CHODL: variants seen among roughly 807,000 people sequenced by gnomAD.
CHODL encodes the protein chondrolectin, also known as transmembrane protein MT75.
CHODL carries 29 observed loss-of-function variants against 34.5 expected under a neutral mutation model. The ratio of observed to expected loss-of-function variants is 0.84; its 90% CI spans 0.63 to 1.15. The LOEUF is 1.15. CHODL is among the 50% of genes most tolerant of loss of function. The pLI is 0.00. For missense variants in CHODL, 332 were observed against 332.5 expected, an observed-to-expected ratio of 1.00 and a Z score of 0.01; for synonymous variants, 125 against 116.1, an observed-to-expected ratio of 1.08 and a Z score of -0.49.
chr21:18,001,632 C>T (rs932980035), intron 1 of CHODL, among the ~76,000 whole-genome samples: 3 of 152,046 alleles, frequency 2.0e-5, no homozygotes, highest in African/African-American at 4.8e-5. Flanking sequence ...GTTGCTTCTT[C>T]GTGAGTTTTT....
intron 2 of CHODL, among the ~76,000 whole-genome samples, chr21:18,239,694 T>C (rs2074063266): frequency 6.6e-6 from 1 of 152,094 alleles, no homozygotes; most frequent in Non-Finnish European, 1.5e-5. Flanking sequence ...CAAAAATTCA[T>C]TTACAGTTTT....
intron 1 of CHODL, among the ~76,000 whole-genome samples, chr21:17,935,392 C>T (rs1427902675): frequency 6.6e-6 from 1 of 152,178 alleles, no homozygotes; most frequent in Non-Finnish European, 1.5e-5. Context: ...GGTATTCTAG[C>T]TTGAGAACCC....
chr21:17,939,133 A>C (rs1489507122), intron 1 of CHODL, among the ~76,000 whole-genome samples: 1 of 152,216 alleles, frequency 6.6e-6, no homozygotes, highest in Non-Finnish European at 1.5e-5. Flanking sequence ...CTAAGTGTAT[A>C]ATACATTATT....
chr21:18,109,194 T>G (rs937478031), intron 2 of CHODL, among the ~76,000 whole-genome samples: 1 of 152,192 alleles, frequency 6.6e-6, no homozygotes, highest in African/African-American at 2.4e-5. Context: ...TTCTTTTTCA[T>G]GAAAATCATC....
chr21:18,061,631 C>G (rs1420635888), intron 2 of CHODL, among the ~76,000 whole-genome samples: 1 of 152,118 alleles, frequency 6.6e-6, no homozygotes, highest in African/African-American at 2.4e-5. Flanking sequence ...ATCTTTAGCC[C>G]AAACAATTGC....
intron 1 of CHODL, among the ~76,000 whole-genome samples, chr21:17,963,177 A>G (rs2063546231): frequency 6.6e-6 from 1 of 152,146 alleles, no homozygotes; most frequent in South Asian, 2.1e-4. Flanking sequence ...CTCTTATTCC[A>G]TTTGGATACA....
intron 1 of CHODL, among the ~76,000 whole-genome samples, chr21:17,962,833 G>A (rs1445746966): frequency 6.6e-6 from 1 of 152,088 alleles, no homozygotes; most frequent in African/African-American, 2.4e-5. Context: ...GGAGGCTGAG[G>A]CGGGTGGATC....
intron 2 of CHODL, among the ~76,000 whole-genome samples, chr21:18,073,822 T>G (rs2146503347): frequency 6.6e-6 from 1 of 152,222 alleles, no homozygotes; most frequent in African/African-American, 2.4e-5. Flanking sequence ...TTCACAATCA[T>G]TTATGTAACT....
chr21:18,253,610 C>G (rs558171241), intron 1 of CHODL, among the ~76,000 whole-genome samples: 1 of 152,070 alleles, frequency 6.6e-6, no homozygotes, highest in Non-Finnish European at 1.5e-5. Flanking sequence ...ATGAAATCAT[C>G]ACAAAACTTA....
chr21:17,973,663 G>A (rs1031443734), intron 1 of CHODL, among the ~76,000 whole-genome samples: 22 of 150,738 alleles, frequency 1.5e-4, no homozygotes, highest in Admixed American at 1.4e-3. Flanking sequence ...CTCGTGATCC[G>A]CCCACCTCAG....
At chr21:18,177,097 A>G (rs374294267) in intron 2 of CHODL, among the ~76,000 whole-genome samples, 6 of 152,088 alleles carry the variant, frequency 3.9e-5, no homozygotes, top group East Asian at 1.9e-4. Context: ...ATACACCACA[A>G]TTTCTGACTT....
chr21:18,241,914 G>A (rs1000674435), upstream of CHODL, among the ~76,000 whole-genome samples: 1 of 152,008 alleles, frequency 6.6e-6, no homozygotes, highest in Non-Finnish European at 1.5e-5. Flanking sequence ...TCTATTTGGG[G>A]GCTTGAAGAA....
chr21:18,212,449 A>G (rs1041764319), intron 2 of CHODL, among the ~76,000 whole-genome samples: 1 of 152,170 alleles, frequency 6.6e-6, no homozygotes, highest in African/African-American at 2.4e-5. Context: ...TTATTTTTAA[A>G]GCCTATACCT....
intron 2 of CHODL, among the ~76,000 whole-genome samples, chr21:18,206,844 C>T (rs1394899125): frequency 6.8e-6 from 1 of 147,904 alleles, no homozygotes; most frequent in Non-Finnish European, 1.5e-5. Flanking sequence ...ATAAGGCTTG[C>T]AAATAATATC....
At chr21:17,926,267 G>T (rs1179480330) in intron 1 of CHODL, among the ~76,000 whole-genome samples, 1 of 149,948 alleles carries the variant, frequency 6.7e-6, no homozygotes, top group Non-Finnish European at 1.5e-5. Flanking sequence ...TTAATTCTTT[G>T]TTTTAGGTTA....
At chr21:18,225,892 T>C (rs1001563292) in intron 2 of CHODL, among the ~76,000 whole-genome samples, 1 of 151,996 alleles carries the variant, frequency 6.6e-6, no homozygotes, top group African/African-American at 2.4e-5. Flanking sequence ...AACATACAAG[T>C]CTATAATAAA....
chr21:17,981,556 G>A (rs2063714200), intron 1 of CHODL, among the ~76,000 whole-genome samples: 1 of 152,078 alleles, frequency 6.6e-6, no homozygotes, highest in African/African-American at 2.4e-5. Flanking sequence ...ACCTAAAAGA[G>A]CCAACAGAAA....
intron 2 of CHODL, among the ~76,000 whole-genome samples, chr21:18,095,691 A>T (rs1332735344): frequency 6.6e-6 from 1 of 152,216 alleles, no homozygotes; most frequent in African/African-American, 2.4e-5. Context: ...AGCAGACAAG[A>T]CAGATTCAAA....
chr21:18,050,412 A>T (rs1377528647), intron 2 of CHODL, among the ~76,000 whole-genome samples: 1 of 151,986 alleles, frequency 6.6e-6, no homozygotes, highest in Non-Finnish European at 1.5e-5. Flanking sequence ...TCTTACTCTT[A>T]CTGCTGTGCT....
Sources: allele counts gnomAD v4.1 joint callset (sites outside exome capture counted in the v4.1 genomes callset), GRCh38; gene constraint gnomAD v4.1.1; transcripts MANE v1.5; gene names NCBI Gene and HGNC (gene_info 2026-07-23, HGNC 2026-07-21).